RNPEP: variants seen among roughly 807,000 people sequenced by gnomAD.
The protein encoded by RNPEP is arginyl aminopeptidase.
A neutral mutation model predicts 70.1 loss-of-function variants in RNPEP; 57 were observed. The ratio of observed to expected loss-of-function variants is 0.81; its 90% CI spans 0.66 to 1.01. RNPEP has a LOEUF of 1.01. RNPEP is among the 50% of genes least tolerant of loss of function. The pLI, the probability that RNPEP is intolerant of heterozygous loss-of-function variation, is 0.00. For missense variants in RNPEP, 787 were observed against 852.4 expected, an observed-to-expected ratio of 0.92 and a Z score of 0.96; for synonymous variants, 335 against 357.4, an observed-to-expected ratio of 0.94 and a Z score of 0.71.
chr1:201,988,940 A>G lies in RNPEP; in HGVS notation c.484A>G (p.Lys162Glu). 1 of 1,613,572 alleles carries G rather than the reference A, an allele frequency of 6.2e-7. No homozygotes were observed. The highest frequency in any genetic ancestry group is 8.5e-7 in the Non-Finnish European group (1 of 1,179,790). Residue 162 changes from lysine (K) to glutamate (E), a missense_variant, in exon 2 of 11, where the codon AAG (lysine) becomes GAG (glutamate). Physicochemically the swap from Lys to Glu is moderately conservative, Grantham distance 56. Transcript: ENST00000295640. ...WLAPEQTAGK[K>E]KPFVYTQGQA... Reference sequence around the variant, plus strand: ...GGCTCCCGAGCAGACAGCAGGAAAGAAGAAGCCCTTCGTGTACACCCAGGG... The same window carrying G: ...GGCTCCCGAGCAGACAGCAGGAAAGGAGAAGCCCTTCGTGTACACCCAGGG...
Position 201,997,417 on chromosome 1 carries a change from C to G in RNPEP, c.953C>G (p.Ser318Cys). The G allele has an allele frequency of 6.2e-7, 1 of 1,614,134 alleles. No individual in the cohort carries two copies. Among genetic ancestry groups the G allele is most frequent in the Non-Finnish European group, 8.5e-7 (1 of 1,180,024 alleles). The change falls in exon 5 of 11, where the codon TCC becomes TGC. Residue 318 changes from serine to cysteine, a missense_variant. Physicochemically the swap from Ser to Cys is moderately radical, Grantham distance 112. Coordinates refer to ENST00000295640, the MANE Select transcript of RNPEP (RefSeq NM_020216.4). ...VTPCLLAGDR[S>C]LADVIIHEIS... ...CCCTGCCTGCTAGCTGGGGACCGCT[C>G]CTTGGCAGATGTCATCATCCATGAG...
intron 6 of RNPEP, chr1:202,001,147 G>A (rs1404278835): frequency 1.9e-6 from 1 of 536,818 alleles, no homozygotes; most frequent in African/African-American, 1.9e-5. Flanking sequence ...AATATCTGGA[G>A]AGAGATCTTG....
At position 201,983,025 on chromosome 1, in the gene RNPEP, A is replaced by G. The variant is rs1475351321; in HGVS notation, c.359A>G (p.Gln120Arg). ...FYTQPFSHYGQALCVSFPQPC... is the reference protein window; with the variant it reads ...FYTQPFSHYGRALCVSFPQPC... ...ACGCAGCCCTTCTCGCACTATGGCC[A>G]GGCCCTGTGCGTGTCCTTCCCGCAG... The change falls in exon 1 of 11, where the codon CAG becomes CGG. Residue 120 changes from glutamine to arginine, a missense_variant. Coordinates refer to ENST00000295640, the MANE Select transcript of RNPEP (RefSeq NM_020216.4). 3.3e-6 allele frequency: 5 copies of G among 1,525,364 alleles called. No homozygotes were observed. In the African/African-American group the frequency reaches 4.3e-5, roughly 13 times the overall value. The allele number at this position is 1,525,364 out of a possible 1,614,324, so 94.5% of individuals were successfully genotyped here. A position where few individuals can be genotyped will look rare whatever the true frequency, so the allele number is the denominator to read the frequency against.
intron 4 of RNPEP, 163 bp downstream of exon 4, chr1:201,996,426 T>G (rs1412178650): frequency 1.2e-5 from 8 of 668,952 alleles, no homozygotes; most frequent in Non-Finnish European, 2.2e-5. Flanking sequence ...GCCAGGCTTC[T>G]CACTGTTGCT....
chr1:201,993,617 A>C (rs568548925), intron 3 of RNPEP, among the ~76,000 whole-genome samples: 1 of 151,426 alleles, frequency 6.6e-6, no homozygotes, highest in South Asian at 2.1e-4. Flanking sequence ...CAAAACAAAA[A>C]AAAAAAACAA....
At chr1:201,990,715 C>G (rs993823466) in intron 3 of RNPEP, among the ~76,000 whole-genome samples, 3 of 152,166 alleles carry the variant, frequency 2.0e-5, no homozygotes, top group African/African-American at 7.2e-5. Flanking sequence ...GCATCTGCTC[C>G]CAGCGCACAC....
chr1:202,001,348 A>G lies in RNPEP; in HGVS notation c.1205-28A>G, dbSNP rs755745509. 2.8e-5 allele frequency: 42 copies of G among 1,524,452 alleles called. 1 individual carries two copies. Among genetic ancestry groups the G allele is most frequent in the South Asian group, 2.4e-4 (21 of 89,152 alleles). The allele number at this position is 1,524,452 out of a possible 1,614,324, so 94.4% of individuals were successfully genotyped here. The stretch of plus-strand genomic sequence containing the variant: ...TACGGGTGACAGGCTACAAAAGCTC[A>G]AATCTTGTCTGCTTTCTCCTCTGCC... On this transcript the variant is annotated intron_variant, in intron 6 of 10. Transcript: ENST00000295640.
At chr1:202,002,831 T>C (rs991942542) in intron 8 of RNPEP, among the ~76,000 whole-genome samples, 1 of 152,134 alleles carries the variant, frequency 6.6e-6, no homozygotes, top group Non-Finnish European at 1.5e-5. Flanking sequence ...AAAACTGAGG[T>C]GCAGAGAGGT....
intron 1 of RNPEP, among the ~76,000 whole-genome samples, chr1:201,986,116 G>GAT (rs1461030776): frequency 2.5e-4 from 38 of 152,274 alleles, no homozygotes; most frequent in African/African-American, 8.7e-4. Flanking sequence ...TATTTGTAGA[G>GAT]ATGAGGTCTC....
At position 201,989,448 on chromosome 1, in the gene RNPEP, C is replaced by A. The variant is rs372806884; in HGVS notation, c.654C>A (p.Phe218Leu). The change falls in exon 3 of 11, where the codon TTC becomes TTA. Residue 218 changes from phenylalanine (F) to leucine (L), a missense_variant. By Grantham distance (22) the Phe-to-Leu change is conservative. Transcript: ENST00000295640. ...GGGAGAAGAGAGGTCCAAATAAGTT[C>A]TTCTTCCAGATGTGTCAGCCCATCC... is the stretch of plus-strand genomic sequence containing the variant. ...STWEKRGPNK[F>L]FFQMCQPIPS... 7 of 1,614,220 alleles carry A rather than the reference C, an allele frequency of 4.3e-6. No individual in the cohort carries two copies. In the South Asian group the frequency reaches 7.7e-5, roughly 18 times the overall value.
At chr1:201,997,630 G>A in intron 5 of RNPEP, 76 bp downstream of exon 5, 2 of 1,157,540 alleles carry the variant, frequency 1.7e-6, no homozygotes, top group Non-Finnish European at 2.5e-6. Flanking sequence ...CTCCTTATGG[G>A]GTTTCAGAAT....
chr1:202,004,477 A>G lies in RNPEP; in HGVS notation c.1775A>G (p.Lys592Arg). The change falls in exon 10 of 11, where the codon AAG (lysine) becomes AGG (arginine). Residue 592 changes from lysine (K) to arginine (R), a missense_variant. Transcript: ENST00000295640. ...NDHQEDFWKV[K>R]EFLHNQGKQK... is the part of the protein sequence containing the mutation. ...CACCAGGAAGATTTCTGGAAAGTGAAGGAGTTCCTGCATAACCAGGTGGGT... is the reference window on the plus strand; with the variant it reads ...CACCAGGAAGATTTCTGGAAAGTGAGGGAGTTCCTGCATAACCAGGTGGGT... 6.2e-7 allele frequency: 1 copy of G among 1,613,950 alleles called. No homozygotes were observed. The highest frequency in any genetic ancestry group is 8.5e-7 in the Non-Finnish European group (1 of 1,180,024).
intron 1 of RNPEP, chr1:201,983,412 AT>A: frequency 1.3e-6 from 2 of 1,484,588 alleles, no homozygotes; most frequent in Non-Finnish European, 1.8e-6. Flanking sequence ...ATTGCGCCGC[AT>A]TCCCGCTCAT....
intron 1 of RNPEP, among the ~76,000 whole-genome samples, chr1:201,984,230 G>C (rs1683045522): frequency 1.3e-5 from 2 of 152,184 alleles, no homozygotes; most frequent in Admixed American, 1.3e-4. Context: ...ACTGCGCCCG[G>C]CCCACAGCTT....
intron 1 of RNPEP, among the ~76,000 whole-genome samples, chr1:201,984,831 T>TTTC (rs1558258040): frequency 7.4e-5 from 1 of 13,548 alleles, no homozygotes; most frequent in Non-Finnish European, 2.0e-4. Context: ...CTTTTTTTTT[T>TTTC]TTTTTTTTTT....
intron 3 of RNPEP, among the ~76,000 whole-genome samples, chr1:201,995,408 C>T (rs953467938): frequency 2.6e-5 from 4 of 152,146 alleles, no homozygotes; most frequent in African/African-American, 9.7e-5. Context: ...TTGGGTCGGA[C>T]ACAGTGGCTC....
Position 202,001,372 on chromosome 1 carries a change from C to A in RNPEP, c.1205-4C>A. ...CAAATCTTGTCTGCTTTCTCCTCTG[C>A]CAGGCGTTGACCCGGACGACACCTA... On this transcript the variant is annotated splice_region_variant and splice_polypyrimidine_tract_variant and intron_variant, in intron 6 of 10. Coordinates refer to ENST00000295640, the MANE Select transcript of RNPEP (RefSeq NM_020216.4). 6.2e-7 allele frequency: 1 copy of A among 1,605,104 alleles called. No individual in the cohort carries two copies. The highest frequency in any genetic ancestry group is 8.5e-7 in the Non-Finnish European group (1 of 1,171,884).
intron 8 of RNPEP, among the ~76,000 whole-genome samples, chr1:202,002,961 G>A (rs560444047): frequency 5.7e-4 from 87 of 152,294 alleles, no homozygotes; most frequent in South Asian, 5.6e-3. Flanking sequence ...GTAGGAGAAT[G>A]TGCACGTGAA....
rs745508955 is a variant in RNPEP at position 201,988,929 on chromosome 1, C to G, written c.473C>G (p.Thr158Arg). 3.7e-6 allele frequency: 6 copies of G among 1,612,686 alleles called. No homozygotes were observed. In the East Asian group the frequency reaches 1.1e-4, roughly 30 times the overall value. ...GTTTGCTGGTTGGCTCCCGAGCAGA[C>G]AGCAGGAAAGAAGAAGCCCTTCGTG... ...PGVCWLAPEQ[T>R]AGKKKPFVYT... The change falls in exon 2 of 11, where the codon ACA becomes AGA. Residue 158 changes from threonine (T) to arginine (R), a missense_variant. Coordinates refer to ENST00000295640, the MANE Select transcript of RNPEP (RefSeq NM_020216.4).
Sources: gnomAD v4.1 joint callset for allele counts (sites outside exome capture counted in the v4.1 genomes callset) on GRCh38, gnomAD v4.1.1 for gene constraint, MANE v1.5 for transcripts, NCBI Gene and HGNC (gene_info 2026-07-23, HGNC 2026-07-21) for gene names.